The following ACTR10 variants were observed in gnomAD, a reference collection of about 807,000 sequenced individuals.
ACTR10 encodes actin related protein 10.
ACTR10 carries 43 observed loss-of-function variants against 56.2 expected under a neutral mutation model. The ratio of observed to expected loss-of-function variants is 0.77; its 90% CI spans 0.60 to 0.99. The LOEUF (loss-of-function observed/expected upper bound fraction) is 0.99. Ranked by LOEUF, ACTR10 falls within the 50% of genes least tolerant of loss-of-function variation. ACTR10 has a pLI of 0.00. For synonymous variants in ACTR10, 170 were observed against 176.3 expected, an observed-to-expected ratio of 0.96 and a Z score of 0.28; for missense variants, 466 against 507.8, an observed-to-expected ratio of 0.92 and a Z score of 0.79.
At chr14:58,227,305 C>A (rs751981251) in intron 10 of ACTR10, among the ~76,000 whole-genome samples, 1 of 151,750 alleles carries the variant, frequency 6.6e-6, no homozygotes, top group South Asian at 2.1e-4. Context: ...CCAAGGCGGG[C>A]GGATCACTTG....
chr14:58,203,030 G>T, intron 2 of ACTR10, 103 bp downstream of exon 2: 1 of 761,962 alleles, frequency 1.3e-6, no homozygotes, highest in African/African-American at 1.8e-5. Flanking sequence ...GGCCAGCCGT[G>T]GTGGCTCACG....
intron 4 of ACTR10, among the ~76,000 whole-genome samples, chr14:58,210,073 A>G (rs140942642): frequency 2.7e-4 from 41 of 152,314 alleles, no homozygotes; most frequent in Non-Finnish European, 5.9e-4. Context: ...GTCAGCTGTT[A>G]TCTGAATAAA....
chr14:58,221,237 C>T (rs565093148), intron 8 of ACTR10, among the ~76,000 whole-genome samples: 27 of 146,476 alleles, frequency 1.8e-4, no homozygotes, highest in African/African-American at 6.3e-4. Flanking sequence ...GAGCCAAGAT[C>T]GCGCCACTGC....
At chr14:58,234,342 A>C in intron 12 of ACTR10, 28 bp from the exon 13 acceptor site, 1 of 1,519,466 alleles carries the variant, frequency 6.6e-7, no homozygotes, top group Non-Finnish European at 8.9e-7. Context: ...TTTTCATCTT[A>C]GCTATAAAAA....
chr14:58,208,964 C>A, intron 3 of ACTR10, 35 bp from the exon 4 acceptor site: 1 of 1,423,860 alleles, frequency 7.0e-7, no homozygotes. Context: ...TGAATAAAAA[C>A]TTTTACTTTT....
chr14:58,202,118 A>G (rs548235709), intron 1 of ACTR10, among the ~76,000 whole-genome samples: 5 of 152,280 alleles, frequency 3.3e-5, no homozygotes, highest in African/African-American at 1.2e-4. Context: ...ATATATATGC[A>G]TAATCATAAG....
At chr14:58,232,416 T>TC in intron 12 of ACTR10, 149 bp downstream of exon 12, 1 of 567,474 alleles carries the variant, frequency 1.8e-6, no homozygotes, top group Non-Finnish European at 2.7e-6. Flanking sequence ...TTTTTTTTTT[T>TC]TTTTTTTTTT....
At chr14:58,228,861 A>G (rs61975952) in intron 10 of ACTR10, among the ~76,000 whole-genome samples, 2,261 of 151,992 alleles carry the variant, frequency 0.015, 22 homozygotes, top group Middle Eastern at 0.034. Context: ...GGTAAATACA[A>G]TGTTTTAACT....
At chr14:58,226,705 A>G (rs1472797242) in intron 10 of ACTR10, among the ~76,000 whole-genome samples, 4 of 151,970 alleles carry the variant, frequency 2.6e-5, no homozygotes, top group Non-Finnish European at 4.4e-5. Flanking sequence ...GGTTCAAGCA[A>G]TTCTCCTGCC....
At chr14:58,208,851 T>C in intron 3 of ACTR10, 148 bp from the exon 4 acceptor site, 1 of 551,132 alleles carries the variant, frequency 1.8e-6, no homozygotes, top group Non-Finnish European at 3.2e-6. Context: ...GTCAGAAATG[T>C]TATCTTTCTG....
intron 8 of ACTR10, among the ~76,000 whole-genome samples, chr14:58,222,616 T>C (rs993872910): frequency 6.6e-6 from 1 of 151,954 alleles, no homozygotes; most frequent in African/African-American, 2.4e-5. Context: ...AATACAAAAA[T>C]TAGCTGGGCA....
At chr14:58,213,869 T>C (rs922373528) in intron 6 of ACTR10, among the ~76,000 whole-genome samples, 171 bp downstream of exon 6, 1 of 152,220 alleles carries the variant, frequency 6.6e-6, no homozygotes, top group African/African-American at 2.4e-5. Context: ...AAACCAGTTT[T>C]TTAAATTTTT....
chr14:58,205,081 A>G (rs1471333386), intron 2 of ACTR10, among the ~76,000 whole-genome samples: 3 of 151,772 alleles, frequency 2.0e-5, no homozygotes, highest in African/African-American at 7.3e-5. Context: ...TTAGCCGGGC[A>G]TGGTGGCACA....
intron 5 of ACTR10, 121 bp downstream of exon 5, chr14:58,211,520 G>A: frequency 3.1e-6 from 2 of 651,652 alleles, no homozygotes; most frequent in Non-Finnish European, 5.3e-6. Flanking sequence ...GTACAAATAT[G>A]AATTACAATG....
At chr14:58,219,828 T>C (rs1048093399) in intron 8 of ACTR10, 99 bp downstream of exon 8, 155 of 739,344 alleles carry the variant, frequency 2.1e-4, no homozygotes, top group Non-Finnish European at 4.5e-5. Context: ...ATATTCATAA[T>C]GTAATATCCT....
intron 8 of ACTR10, among the ~76,000 whole-genome samples, chr14:58,221,602 GAAAACA>G (rs1218413447): frequency 2.6e-5 from 4 of 151,850 alleles, no homozygotes; most frequent in African/African-American, 7.3e-5. Flanking sequence ...TGTCTCAAAA[GAAAACA>G]AAAACAAAAA....
chr14:58,214,814 A>T (rs1023824495), intron 6 of ACTR10, among the ~76,000 whole-genome samples: 9 of 150,106 alleles, frequency 6.0e-5, no homozygotes, highest in Non-Finnish European at 1.3e-4. Flanking sequence ...TATTTAAATC[A>T]TAATAATCGG....
rs1362578417 is a variant in ACTR10, at chr14:58,208,027, C to T, written c.233+9C>T. On this transcript the variant is annotated intron_variant, in intron 3 of 12. Coordinates refer to ENST00000254286, the MANE Select transcript of ACTR10 (RefSeq NM_018477.3). ...CACATACTATATTTCAGGTAAGATA[C>T]ATTTTGTTTTCTAGCTTTTATGATT... 2.7e-6 allele frequency: 4 copies of T among 1,491,674 alleles called. No individual in the cohort carries two copies. Among genetic ancestry groups the T allele is most frequent in the African/African-American group, 3.0e-5 (2 of 67,628 alleles). 92.4% of individuals were successfully genotyped at this position (1,491,674 alleles called of 1,614,324 possible).
intron 6 of ACTR10, among the ~76,000 whole-genome samples, 176 bp downstream of exon 6, chr14:58,213,874 A>T (rs932298206): frequency 3.3e-5 from 5 of 152,150 alleles, no homozygotes; most frequent in Admixed American, 3.3e-4. Context: ...AGTTTTTTAA[A>T]TTTTTAATTT....
Sources: allele counts gnomAD v4.1 joint callset (sites outside exome capture counted in the v4.1 genomes callset), GRCh38; gene constraint gnomAD v4.1.1; transcripts MANE v1.5; gene names NCBI Gene and HGNC (gene_info 2026-07-23, HGNC 2026-07-21).